The following AP4E1 variants were observed in gnomAD, a reference collection of about 807,000 sequenced individuals.
AP4E1 encodes AP-4 complex subunit epsilon-1.
Under a neutral mutation model 128.2 loss-of-function variants are expected in AP4E1, and 56 were observed. That is an observed-to-expected ratio of 0.44 (90% confidence interval 0.35 to 0.55). AP4E1 has a LOEUF of 0.55. AP4E1 is among the 20% of genes least tolerant of loss of function. AP4E1 has a pLI of 0.00. For synonymous variants in AP4E1, 484 were observed against 473.1 expected, an observed-to-expected ratio of 1.02 and a Z score of -0.30; for missense variants, 1,324 against 1,307.7, an observed-to-expected ratio of 1.01 and a Z score of -0.19.
chr15:50,955,622 A>G (rs1211744991), intron 13 of AP4E1, among the ~76,000 whole-genome samples: 4 of 152,158 alleles, frequency 2.6e-5, no homozygotes, highest in Admixed American at 2.0e-4. Flanking sequence ...ACAGTGGGGA[A>G]AATCCTGACT....
Position 51,002,545 on chromosome 15 carries a change from C to G in AP4E1, c.3297C>G (p.Pro1099=). 1.9e-6 allele frequency: 3 copies of G among 1,614,206 alleles called. No homozygotes were observed. Among genetic ancestry groups the G allele is most frequent in the Non-Finnish European group, 2.5e-6 (3 of 1,180,020 alleles). The change falls in exon 21 of 21, where the codon CCC becomes CCG. Residue 1099 remains proline (P), a synonymous_variant. Transcript: ENST00000261842. ...CCTGTCAGCTGCTCCCATCCATCCC[C>G]TGCTTACTGCATTGCCGAGTTCATG... The part of the protein sequence containing the change: ...LLACQLLPSI[P]CLLHCRVHAD...
chr15:50,928,383 G>A (rs570526895), intron 5 of AP4E1, among the ~76,000 whole-genome samples: 2 of 152,158 alleles, frequency 1.3e-5, no homozygotes, highest in East Asian at 3.9e-4. Context: ...TGCCTCCCAG[G>A]TTCAAGCGAT....
At chr15:50,941,632 C>A (rs1199169719) in intron 9 of AP4E1, 34 bp from the exon 10 acceptor site, 2 of 1,611,622 alleles carry the variant, frequency 1.2e-6, no homozygotes. Flanking sequence ...GTATTTGTTT[C>A]AATTCACTTT....
intron 8 of AP4E1, among the ~76,000 whole-genome samples, chr15:50,936,676 C>T (rs1044138560): frequency 3.9e-5 from 6 of 152,166 alleles, no homozygotes; most frequent in African/African-American, 1.2e-4. Flanking sequence ...TGGCTCACGC[C>T]TGTGATCCCA....
chr15:50,927,053 A>G (rs1268797583), intron 5 of AP4E1, among the ~76,000 whole-genome samples: 1 of 152,188 alleles, frequency 6.6e-6, no homozygotes, highest in Non-Finnish European at 1.5e-5. Flanking sequence ...TAATTATTGG[A>G]AATATTTGCT....
intron 14 of AP4E1, among the ~76,000 whole-genome samples, chr15:50,965,242 G>A: frequency 6.6e-6 from 1 of 152,182 alleles, no homozygotes; most frequent in Non-Finnish European, 1.5e-5. Context: ...GTGGTTGTTA[G>A]TGGAGGCTGT....
intron 3 of AP4E1, among the ~76,000 whole-genome samples, chr15:50,923,554 G>C (rs1315075408): frequency 6.6e-6 from 1 of 152,050 alleles, no homozygotes; most frequent in Non-Finnish European, 1.5e-5. Flanking sequence ...TTATTATAGT[G>C]ATTAGTTTTT....
intron 14 of AP4E1, among the ~76,000 whole-genome samples, chr15:50,966,285 T>G (rs1428627245): frequency 1.3e-5 from 2 of 152,176 alleles, no homozygotes; most frequent in Non-Finnish European, 2.9e-5. Flanking sequence ...AAGGTTATTA[T>G]TTCCACTAAT....
intron 8 of AP4E1, among the ~76,000 whole-genome samples, chr15:50,940,073 G>A (rs907856824): frequency 2.0e-5 from 3 of 152,118 alleles, no homozygotes; most frequent in Non-Finnish European, 4.4e-5. Context: ...CTGAAGGCTG[G>A]ATTTAGTGGC....
At chr15:50,938,535 A>T (rs1299467408) in intron 8 of AP4E1, among the ~76,000 whole-genome samples, 1 of 152,168 alleles carries the variant, frequency 6.6e-6, no homozygotes, top group Non-Finnish European at 1.5e-5. Flanking sequence ...CCAGGTGATA[A>T]GGAAGGCCCC....
chr15:50,960,725 G>C (rs2064301210), intron 14 of AP4E1, among the ~76,000 whole-genome samples: 1 of 151,208 alleles, frequency 6.6e-6, no homozygotes, highest in South Asian at 2.1e-4. Context: ...CAAGCGACTA[G>C]AAAGGAAGAA....
intron 10 of AP4E1, among the ~76,000 whole-genome samples, chr15:50,943,062 T>C (rs1404238188): frequency 1.3e-5 from 2 of 152,082 alleles, no homozygotes; most frequent in Admixed American, 6.6e-5. Context: ...CCCTGCCTGC[T>C]TGTGGAGTCC....
intron 3 of AP4E1, among the ~76,000 whole-genome samples, chr15:50,921,355 CTTTTTT>C (rs1047205966): frequency 6.9e-6 from 1 of 145,766 alleles, no homozygotes; most frequent in Non-Finnish European, 1.5e-5. Context: ...TTTACCTTTT[CTTTTTT>C]TTTTTGAGAC....
intron 14 of AP4E1, among the ~76,000 whole-genome samples, chr15:50,965,460 G>T (rs920752536): frequency 2.6e-5 from 4 of 152,148 alleles, no homozygotes; most frequent in Non-Finnish European, 5.9e-5. Context: ...CACACAAATT[G>T]ATTTTTAGTA....
chr15:50,969,252 A>G (rs1175244362), intron 15 of AP4E1, among the ~76,000 whole-genome samples: 1 of 152,174 alleles, frequency 6.6e-6, no homozygotes, highest in Non-Finnish European at 1.5e-5. Flanking sequence ...AAGCGAGAAC[A>G]TGCGGTATTT....
chr15:50,983,909 T>C, intron 15 of AP4E1, 113 bp from the exon 16 acceptor site: 1 of 1,054,010 alleles, frequency 9.5e-7, no homozygotes, highest in Non-Finnish European at 1.4e-6. Context: ...TCCTTTAGAG[T>C]TTAAAAATGG....
intron 6 of AP4E1, 22 bp from the exon 7 acceptor site, chr15:50,930,783 T>C: frequency 6.2e-7 from 1 of 1,611,362 alleles, no homozygotes; most frequent in Non-Finnish European, 8.5e-7. Context: ...ATTAACAAAG[T>C]TTTTTTTGCG....
At chr15:50,941,182 T>C (rs764625284) in intron 8 of AP4E1, among the ~76,000 whole-genome samples, 2 of 152,036 alleles carry the variant, frequency 1.3e-5, no homozygotes, top group African/African-American at 4.8e-5. Flanking sequence ...ACATGGGAGG[T>C]GTTCAGTAAA....
intron 3 of AP4E1, among the ~76,000 whole-genome samples, chr15:50,922,163 CAAAAAAAA>C (rs34829950): frequency 1.3e-5 from 1 of 79,752 alleles, no homozygotes; most frequent in Non-Finnish European, 2.3e-5. Context: ...CCTATCTCTA[CAAAAAAAA>C]AAAAAAAAAA....
Sources: gnomAD v4.1 joint callset for allele counts (sites outside exome capture counted in the v4.1 genomes callset) on GRCh38, gnomAD v4.1.1 for gene constraint, MANE v1.5 for transcripts, NCBI Gene and HGNC (gene_info 2026-07-23, HGNC 2026-07-21) for gene names.